TOX3: variants seen among roughly 807,000 people sequenced by gnomAD.
TOX3 encodes CAG trinucleotide repeat-containing gene F9 protein.
A neutral mutation model predicts 64.3 loss-of-function variants in TOX3; 22 were observed. The observed-to-expected ratio is 0.34, with a 90% CI of 0.24 to 0.49. TOX3 has a LOEUF of 0.49. Among genes scored for constraint, TOX3 ranks in the 20% least tolerant of loss-of-function variants. TOX3 has a pLI of 0.99. For synonymous variants in TOX3, 291 were observed against 273.6 expected, an observed-to-expected ratio of 1.06 and a Z score of -0.63; for missense variants, 661 against 714.4, an observed-to-expected ratio of 0.93 and a Z score of 0.85.
intron 3 of TOX3, 127 bp from the exon 4 acceptor site, chr16:52,450,673 A>C: frequency 8.6e-7 from 1 of 1,166,686 alleles, no homozygotes; most frequent in Non-Finnish European, 1.2e-6. Flanking sequence ...CTATTGCAGG[A>C]TGATGGTCTC....
chr16:52,477,461 G>A (rs538719318), intron 1 of TOX3, among the ~76,000 whole-genome samples: 333 of 152,344 alleles, frequency 2.2e-3, no homozygotes, highest in South Asian at 4.8e-3. Context: ...AAGGAGACCA[G>A]TGAAGAACAC....
At chr16:52,488,151 C>G (rs1166666663) in intron 1 of TOX3, among the ~76,000 whole-genome samples, 1 of 152,124 alleles carries the variant, frequency 6.6e-6, no homozygotes, top group Non-Finnish European at 1.5e-5. Flanking sequence ...TCCATATTTT[C>G]CCAACTTCAG....
intron 1 of TOX3, among the ~76,000 whole-genome samples, chr16:52,521,275 T>C (rs541193331): frequency 6.6e-6 from 1 of 152,334 alleles, no homozygotes; most frequent in East Asian, 1.9e-4. Context: ...TAAAAACATA[T>C]CCTTGTAGCT....
intron 1 of TOX3, among the ~76,000 whole-genome samples, chr16:52,476,493 GT>G (rs1596807810): frequency 6.6e-6 from 1 of 151,858 alleles, no homozygotes. Context: ...GTTTTGGGAA[GT>G]TTTTTCTTGC....
intron 1 of TOX3, among the ~76,000 whole-genome samples, chr16:52,532,791 C>A (rs1174578118): frequency 6.6e-6 from 1 of 152,018 alleles, no homozygotes; most frequent in Non-Finnish European, 1.5e-5. Context: ...GACAACAGGG[C>A]AATGGCAATC....
At chr16:52,498,981 A>T (rs907423403) in intron 1 of TOX3, among the ~76,000 whole-genome samples, 2 of 152,222 alleles carry the variant, frequency 1.3e-5, no homozygotes, top group African/African-American at 2.4e-5. Flanking sequence ...CCCTAACACA[A>T]TGAGCGAGTT....
At chr16:52,514,192 T>C (rs1233350877) in intron 1 of TOX3, among the ~76,000 whole-genome samples, 1 of 152,368 alleles carries the variant, frequency 6.6e-6, no homozygotes, top group African/African-American at 2.4e-5. Context: ...AACAAAGACA[T>C]GGAGCTAAAT....
chr16:52,521,779 G>T (rs1177091595), intron 1 of TOX3, among the ~76,000 whole-genome samples: 1 of 152,114 alleles, frequency 6.6e-6, no homozygotes, highest in Non-Finnish European at 1.5e-5. Flanking sequence ...CAAATTCTTG[G>T]GCCCTACCCC....
Position 52,450,346 on chromosome 16 carries a change from T to C in TOX3, c.609A>G (p.Pro203=), listed in dbSNP as rs1448665274. The C allele has an allele frequency of 6.2e-7, 1 of 1,614,004 alleles. No individual in the cohort carries two copies. Among genetic ancestry groups the C allele is most frequent in the South Asian group, 1.1e-5 (1 of 91,088 alleles). ...GGGAGGGAGTGGCTGATTTGCTTGC[T>C]GGAGGTGAAGGAGATGTGTGAGGCA... The part of the protein sequence containing the change: ...ASMPHTSPSP[P]ASKSATPSPS... The change falls in exon 4 of 7, where the codon CCA becomes CCG. Residue 203 remains proline (P), a synonymous_variant. Transcript: ENST00000219746.
At chr16:52,444,215 T>C in intron 6 of TOX3, 61 bp downstream of exon 6, 1 of 1,329,626 alleles carries the variant, frequency 7.5e-7, no homozygotes, top group East Asian at 2.6e-5. Flanking sequence ...TTTTCAATGC[T>C]TGAGGGCTGT....
At chr16:52,525,899 A>G (rs45601134) in intron 1 of TOX3, among the ~76,000 whole-genome samples, 26 of 152,230 alleles carry the variant, frequency 1.7e-4, no homozygotes, top group Admixed American at 2.0e-4. Context: ...GTTTTTAAAT[A>G]GTGCAAATAT....
At chr16:52,479,812 A>C (rs1255261561) in intron 1 of TOX3, among the ~76,000 whole-genome samples, 1 of 152,192 alleles carries the variant, frequency 6.6e-6, no homozygotes, top group African/African-American at 2.4e-5. Context: ...CGCTGGGAGG[A>C]ATAACAACTT....
intron 1 of TOX3, among the ~76,000 whole-genome samples, chr16:52,498,621 G>A (rs770668606): frequency 2.0e-5 from 3 of 152,118 alleles, no homozygotes; most frequent in Non-Finnish European, 2.9e-5. Context: ...TAACAACGTA[G>A]TCAAAATGTG....
chr16:52,491,928 C>T (rs537508580), intron 1 of TOX3, among the ~76,000 whole-genome samples: 38 of 152,144 alleles, frequency 2.5e-4, no homozygotes, highest in Admixed American at 1.6e-3. Flanking sequence ...GAAAGTACCA[C>T]GGCCACAGAT....
intron 1 of TOX3, among the ~76,000 whole-genome samples, chr16:52,483,632 G>A (rs1260274508): frequency 2.7e-5 from 4 of 145,488 alleles, no homozygotes; most frequent in East Asian, 4.3e-4. Context: ...GCAGTGGCGC[G>A]ATCACGGCTC....
At position 52,436,816 on chromosome 16, in the gene TOX3, A is replaced by C. The variant is rs1232132170; in HGVS notation, c.*2409T>G. The C allele has an allele frequency of 6.6e-6, 1 of 152,242 alleles. No individual in the cohort carries two copies. Among genetic ancestry groups the C allele is most frequent in the African/African-American group, 2.4e-5 (1 of 41,470 alleles). 9.4% of individuals were successfully genotyped at this position (152,242 alleles called of 1,614,324 possible). ...CAGTTGAAAACAGACTTCACTTGCAATTAAGTCTTATCACTAGTGACATTT... is the reference window on the plus strand; with the variant it reads ...CAGTTGAAAACAGACTTCACTTGCACTTAAGTCTTATCACTAGTGACATTT... On this transcript the variant is annotated 3_prime_UTR_variant, in exon 7 of 7. Coordinates refer to ENST00000219746, the MANE Select transcript of TOX3 (RefSeq NM_001080430.4).
intron 1 of TOX3, among the ~76,000 whole-genome samples, chr16:52,532,708 G>A (rs977930892): frequency 6.6e-6 from 1 of 152,198 alleles, no homozygotes; most frequent in Non-Finnish European, 1.5e-5. Context: ...ACATACGAAG[G>A]CAAAACAGTA....
intron 1 of TOX3, among the ~76,000 whole-genome samples, chr16:52,546,432 C>T (rs1326445278): frequency 6.6e-6 from 1 of 151,900 alleles, no homozygotes; most frequent in African/African-American, 2.4e-5. Context: ...CTGAGGAGAG[C>T]GCCGGCTGGG....
At chr16:52,533,315 G>A (rs1280975916) in intron 1 of TOX3, among the ~76,000 whole-genome samples, 1 of 152,172 alleles carries the variant, frequency 6.6e-6, no homozygotes, top group Non-Finnish European at 1.5e-5. Flanking sequence ...ACATCCCCAT[G>A]TGCCATTCAA....
Sources: gnomAD v4.1 joint callset for allele counts (sites outside exome capture counted in the v4.1 genomes callset) on GRCh38, gnomAD v4.1.1 for gene constraint, MANE v1.5 for transcripts, NCBI Gene and HGNC (gene_info 2026-07-23, HGNC 2026-07-21) for gene names.